TNIK: variants seen among roughly 807,000 people sequenced by gnomAD.
TNIK encodes the protein TRAF2 and NCK-interacting protein kinase.
In TNIK, 49 loss-of-function variants were observed where a neutral mutation model predicts 191.3. The observed-to-expected ratio is 0.26, with a 90% CI of 0.20 to 0.32. The LOEUF is 0.32. Among genes scored for constraint, TNIK ranks in the 10% least tolerant of loss-of-function variants. The pLI is 1.00. For missense variants in TNIK, 1,155 were observed against 1,702.3 expected (o/e 0.68, Z 5.66); for synonymous variants, 594 against 600.9 (o/e 0.99, Z 0.17).
At chr3:171,252,971 T>C (rs1746409565) in intron 2 of TNIK, among the ~76,000 whole-genome samples, 2 of 152,082 alleles carry the variant, frequency 1.3e-5, no homozygotes, top group Non-Finnish European at 2.9e-5. Context: ...AAACCACTCT[T>C]AGTCAACTTT....
At chr3:171,363,646 T>C (rs894503627) in intron 2 of TNIK, among the ~76,000 whole-genome samples, 2 of 151,462 alleles carry the variant, frequency 1.3e-5, no homozygotes, top group East Asian at 1.9e-4. Context: ...GATAATGTTA[T>C]AGAATCACCT....
In TNIK at chr3:171,085,210, G is replaced by A; in HGVS notation, c.2906C>T (p.Thr969Ile). ...CACAAAGGGGGTGAAGGAGGCTTTG[G>A]TGCTGCTCCCCATGCCATACTAATC... The part of the protein sequence containing the change: ...SGTEYGMGSS[T>I]KASFTPFVDP... The change falls in exon 25 of 33, where the codon ACC (threonine) becomes ATC (isoleucine). Residue 969 changes from threonine (T) to isoleucine (I), a missense_variant. By Grantham distance (89) the Thr-to-Ile change is moderately conservative. Transcript: ENST00000436636. 4.3e-6 allele frequency: 7 copies of A among 1,610,412 alleles called. No homozygotes were observed. Among genetic ancestry groups the A allele is most frequent in the Non-Finnish European group, 5.9e-6 (7 of 1,178,344 alleles).
intron 28 of TNIK, among the ~76,000 whole-genome samples, chr3:171,077,223 C>G (rs898307472): frequency 6.6e-6 from 1 of 152,030 alleles, no homozygotes; most frequent in Non-Finnish European, 1.5e-5. Context: ...TTTCCTGGAA[C>G]CCTGCATTGT....
intron 11 of TNIK, 104 bp from the exon 12 acceptor site, chr3:171,157,768 G>A (rs1733416385): frequency 8.5e-7 from 1 of 1,177,298 alleles, no homozygotes; most frequent in Admixed American, 2.3e-5. Flanking sequence ...CCCACACACA[G>A]GGAAAGAAGA....
intron 1 of TNIK, among the ~76,000 whole-genome samples, chr3:171,391,926 GACAATTTTTTTTGATGACC>G (rs1415183731): frequency 6.6e-6 from 1 of 152,030 alleles, no homozygotes; most frequent in Non-Finnish European, 1.5e-5. Context: ...ACACCTGTAG[GACAATTTTTTTTGATGACC>G]ATAAGATGTA....
intron 2 of TNIK, among the ~76,000 whole-genome samples, chr3:171,236,866 G>A (rs1744331245): frequency 6.6e-6 from 1 of 152,120 alleles, no homozygotes; most frequent in South Asian, 2.1e-4. Context: ...CCTATTGTCT[G>A]AGATTTACAA....
intron 7 of TNIK, among the ~76,000 whole-genome samples, chr3:171,179,915 T>C (rs143842865): frequency 6.6e-6 from 1 of 152,308 alleles, no homozygotes; most frequent in East Asian, 1.9e-4. Context: ...GATAAGACTC[T>C]AGTATCTCCA....
chr3:171,115,112 CTTGGAG>C (rs1726471073), intron 18 of TNIK, among the ~76,000 whole-genome samples: 2 of 152,154 alleles, frequency 1.3e-5, no homozygotes, highest in Non-Finnish European at 2.9e-5. Context: ...GTTAAGGTTT[CTTGGAG>C]TTGCTCTCAT....
chr3:171,068,866 A>T lies in TNIK; in HGVS notation c.3681T>A (p.Asp1227Glu), dbSNP rs768116642. 78 of 1,613,508 alleles carry T rather than the reference A, an allele frequency of 4.8e-5. No homozygotes were observed. The highest frequency in any genetic ancestry group is 6.3e-5 in the Non-Finnish European group (74 of 1,179,686). The change falls in exon 30 of 33, where the codon GAT (aspartate) becomes GAA (glutamate). Residue 1227 changes from aspartate to glutamate, a missense_variant. Around this residue, in one of 3 missense-constraint regions of TNIK, gnomAD observed 195 missense variants for 415.4 expected, o/e 0.47. Coordinates refer to ENST00000436636, the MANE Select transcript of TNIK (RefSeq NM_015028.4). ...VIDVDSGNSY[D>E]IYIPSHIQGN... is the part of the protein sequence containing the mutation. The stretch of plus-strand genomic sequence containing the variant: ...TACTTACATGAGATGGTATGTAGAT[A>T]TCATAAGAGTTTCCTGAATCAACAT...
chr3:171,339,985 A>G (rs920622428), intron 2 of TNIK, among the ~76,000 whole-genome samples: 1 of 152,242 alleles, frequency 6.6e-6, no homozygotes, highest in Non-Finnish European at 1.5e-5. Context: ...TGAAAAATTC[A>G]TAGAGATTTA....
intron 5 of TNIK, among the ~76,000 whole-genome samples, chr3:171,193,775 A>G (rs1406333655): frequency 1.3e-5 from 2 of 152,246 alleles, no homozygotes; most frequent in Non-Finnish European, 2.9e-5. Flanking sequence ...GGAAGATTTA[A>G]TAAGAATGCT....
chr3:171,090,085 G>C (rs1022136857), intron 23 of TNIK, among the ~76,000 whole-genome samples: 9 of 152,200 alleles, frequency 5.9e-5, no homozygotes, highest in African/African-American at 2.2e-4. Flanking sequence ...CAGTTGAACT[G>C]GGATGTGGTG....
At chr3:171,100,323 G>A (rs537703509) in intron 22 of TNIK, among the ~76,000 whole-genome samples, 107 of 152,248 alleles carry the variant, frequency 7.0e-4, no homozygotes, top group Middle Eastern at 3.4e-3. Context: ...CAGCAACTGG[G>A]TCATCAACAG....
At chr3:171,065,765 C>T (rs1301829164) in intron 32 of TNIK, among the ~76,000 whole-genome samples, 2 of 152,134 alleles carry the variant, frequency 1.3e-5, no homozygotes, top group Admixed American at 6.5e-5. Context: ...TATTTCTAAA[C>T]GTCAAATGTT....
At chr3:171,185,178 CGTGTGTGTGTGT>C (rs148499254) in intron 7 of TNIK, among the ~76,000 whole-genome samples, 1,560 of 145,970 alleles carry the variant, frequency 0.011, 31 homozygotes, top group African/African-American at 0.037. Context: ...ATAGATTTCC[CGTGTGTGTGTGT>C]GTGTGTGTGT....
Position 171,126,019 on chromosome 3 carries a change from G to A in TNIK, c.1906C>T (p.Pro636Ser), listed in dbSNP as rs745899759. The change falls in exon 17 of 33, where the codon CCA (proline) becomes TCA (serine). Residue 636 changes from proline to serine, a missense_variant. Coordinates refer to ENST00000436636, the MANE Select transcript of TNIK (RefSeq NM_015028.4). ...LNVTSHRVEM[P>S]RQNSDPTSEN... ...GAGGTGGGATCTGAGTTCTGGCGTG[G>A]CATCTCCACGCGGTGGGAGGTCACG... 29 of 1,613,982 alleles carry A rather than the reference G, an allele frequency of 1.8e-5. No individual in the cohort carries two copies. Among genetic ancestry groups the A allele is most frequent in the Non-Finnish European group, 2.3e-5 (27 of 1,179,896 alleles).
intron 2 of TNIK, among the ~76,000 whole-genome samples, chr3:171,254,075 C>T (rs1746567432): frequency 2.0e-5 from 3 of 152,210 alleles, no homozygotes; most frequent in Admixed American, 2.0e-4. Flanking sequence ...TCCCAAAGTG[C>T]AAATGATTAA....
Position 171,460,042 on chromosome 3 carries a change from G to C in TNIK, c.22C>G (p.Arg8Gly). The part of the protein sequence containing the change: MASDSPA[R>G]SLDEIDLSAL... ...GAGAGATCTATTTCATCCAGGCTTC[G>C]AGCCGGGGAGTCGCTCGCCATGTCT... is the stretch of plus-strand genomic sequence containing the variant. The change falls in exon 1 of 33, where the codon CGA becomes GGA. Residue 8 changes from arginine to glycine, a missense_variant. Physicochemically the swap from Arg to Gly is moderately radical, Grantham distance 125. This residue lies in a region of TNIK where 225 missense variants were observed against 438.9 expected (regional missense o/e 0.51). Coordinates refer to ENST00000436636, the MANE Select transcript of TNIK (RefSeq NM_015028.4). This position sits in a 1 kb window ranked among gnomAD's most constrained non-coding sequence, Gnocchi z 6.8. 2.5e-6 allele frequency: 4 copies of C among 1,608,730 alleles called. No homozygotes were observed. The highest frequency in any genetic ancestry group is 2.2e-5 in the East Asian group (1 of 44,776).
At chr3:171,388,445 T>C (rs1473927117) in intron 1 of TNIK, among the ~76,000 whole-genome samples, 1 of 152,234 alleles carries the variant, frequency 6.6e-6, no homozygotes, top group Admixed American at 6.5e-5. Flanking sequence ...CAAAGAGCAC[T>C]GGTCATTGTA....
Sources: allele counts gnomAD v4.1 joint callset (sites outside exome capture counted in the v4.1 genomes callset), GRCh38; gene constraint gnomAD v4.1.1; regional missense constraint gnomAD v4.1.1; non-coding constraint Gnocchi (gnomAD v3.1); transcripts MANE v1.5; gene names NCBI Gene and HGNC (gene_info 2026-07-23, HGNC 2026-07-21).